The following VPS13D variants were observed in gnomAD, a reference collection of about 807,000 sequenced individuals.
VPS13D encodes intermembrane lipid transfer protein VPS13D.
VPS13D carries 187 observed loss-of-function variants against 461.9 expected under a neutral mutation model. That is an observed-to-expected ratio of 0.40 (90% CI 0.36 to 0.46). The LOEUF (loss-of-function observed/expected upper bound fraction) is 0.46. VPS13D is among the 20% of genes least tolerant of loss of function. The pLI is 0.60. For missense variants in VPS13D, 4,711 were observed against 5,364.9 expected, an observed-to-expected ratio of 0.88 and a Z score of 3.81; for synonymous variants, 1,951 against 1,986.3, an observed-to-expected ratio of 0.98 and a Z score of 0.47.
chr1:12,375,032 C>T (rs1644179710), intron 55 of VPS13D, among the ~76,000 whole-genome samples: 1 of 152,200 alleles, frequency 6.6e-6, no homozygotes, highest in African/African-American at 2.4e-5. Context: ...GCCACCATGC[C>T]CGGCCAGTAT....
rs143683592 is a variant in VPS13D, at chr1:12,338,547, A to G, written c.8626+242A>G. Among the ~76,000 whole-genome samples the G allele has an allele frequency of 6.2e-3, 941 of 152,292 alleles. 12 individuals carry two copies. Among genetic ancestry groups the G allele is most frequent in the African/African-American group, 0.02 (848 of 41,558 alleles). On this transcript the variant is annotated intron_variant, in intron 40 of 69. Coordinates refer to ENST00000620676, the MANE Select transcript of VPS13D (RefSeq NM_015378.4). The stretch of plus-strand genomic sequence containing the variant: ...GGAAATGGAATAAACTCCACAGTGT[A>G]TGATGCAGAAATATGTTAATACAAT...
chr1:12,400,962 GCACA>G (rs55998605), intron 61 of VPS13D, among the ~76,000 whole-genome samples: 2,963 of 106,248 alleles, frequency 0.028, 31 homozygotes, highest in Middle Eastern at 0.05. Context: ...CTGCGCGCGC[GCACA>G]CACACACACA....
intron 67 of VPS13D, among the ~76,000 whole-genome samples, chr1:12,463,890 T>C (rs886116571): frequency 1.3e-5 from 2 of 152,250 alleles, no homozygotes; most frequent in African/African-American, 4.8e-5. Flanking sequence ...AAAGTGGGGA[T>C]AAATTTATCT....
intron 52 of VPS13D, among the ~76,000 whole-genome samples, chr1:12,364,648 T>C (rs972637738): frequency 7.2e-5 from 11 of 152,244 alleles, no homozygotes; most frequent in Non-Finnish European, 1.5e-4. Flanking sequence ...ACACTTGTTT[T>C]CTTTGTTTTT....
intron 35 of VPS13D, among the ~76,000 whole-genome samples, chr1:12,327,205 A>G (rs1376452177): frequency 2.0e-5 from 3 of 152,122 alleles, no homozygotes; most frequent in Admixed American, 6.5e-5. Flanking sequence ...AAGCCAGGCC[A>G]TCTTGCTCTG....
At chr1:12,367,555 T>TTTAA (rs1644054061) in intron 52 of VPS13D, 1 of 148,856 alleles carries the variant, frequency 6.7e-6, no homozygotes, top group Non-Finnish European at 1.5e-5. Flanking sequence ...TGCGATGAAA[T>TTTAA]TTATTTATTT....
At chr1:12,322,000 C>T in intron 33 of VPS13D, 36 bp downstream of exon 33, 2 of 1,608,202 alleles carry the variant, frequency 1.2e-6, no homozygotes, top group Non-Finnish European at 1.7e-6. Context: ...CGTTGATATG[C>T]TCTCAAACAC....
intron 67 of VPS13D, among the ~76,000 whole-genome samples, chr1:12,465,964 G>C (rs1360605566): frequency 6.6e-6 from 1 of 152,040 alleles, no homozygotes; most frequent in African/African-American, 2.4e-5. Context: ...TCGAAACCCT[G>C]TCTCTACTAA....
intron 1 of VPS13D, among the ~76,000 whole-genome samples, chr1:12,231,113 C>T (rs1161046942): frequency 6.6e-6 from 1 of 152,222 alleles, no homozygotes; most frequent in Non-Finnish European, 1.5e-5. Context: ...GGGCCTGGCT[C>T]AAGGTCATGC....
At chr1:12,485,988 T>C (rs1225986363) in intron 67 of VPS13D, among the ~76,000 whole-genome samples, 2 of 152,064 alleles carry the variant, frequency 1.3e-5, no homozygotes, top group African/African-American at 4.8e-5. Flanking sequence ...TTGAACCCAG[T>C]CCCCACTCAG....
intron 67 of VPS13D, chr1:12,479,013 G>A (rs1645675017): frequency 2.2e-5 from 9 of 405,134 alleles, no homozygotes; most frequent in South Asian, 1.4e-4. Context: ...CAGAGCAGGT[G>A]GAAGGCCGCC....
At chr1:12,504,936 G>A (rs940690580) in intron 68 of VPS13D, among the ~76,000 whole-genome samples, 5 of 151,792 alleles carry the variant, frequency 3.3e-5, no homozygotes, top group East Asian at 1.9e-4. Flanking sequence ...GGGTGGTGGC[G>A]CTGGGGGCTG....
rs192029642 is a variant in VPS13D at position 12,247,451 on chromosome 1, G to A, written c.448-1772G>A. ...AAAAGCCTGCAGAAATGGTGAGATA[G>A]CATTCTCTCTAACACCATTCAGGAC... On this transcript the variant is annotated intron_variant, in intron 5 of 69. Coordinates refer to ENST00000620676, the MANE Select transcript of VPS13D (RefSeq NM_015378.4). Among the ~76,000 whole-genome samples, 3 of 147,590 alleles carry A rather than the reference G, an allele frequency of 2.0e-5. No homozygotes were observed. The East Asian group carries it at 5.9e-4, about 29-fold the overall frequency.
Position 12,253,788 on chromosome 1 carries a change from T to C in VPS13D, c.631T>C (p.Cys211Arg), listed in dbSNP as rs772162985. 2 of 1,614,166 alleles carry C rather than the reference T, an allele frequency of 1.2e-6. No individual in the cohort carries two copies. The highest frequency in any genetic ancestry group is 2.2e-5 in the South Asian group (2 of 91,080). Residue 211 changes from cysteine (C) to arginine (R), a missense_variant, in exon 7 of 70, where the codon TGC becomes CGC. This residue lies in a region of VPS13D where 4,411 missense variants were observed against 4,937.8 expected (regional missense o/e 0.89). Transcript: ENST00000620676. ...AEFSIYWDVD[C>R]TLLGDLPQME... ...ATTTAGCATCTATTGGGATGTCGATTGCACTTTACTGGGGGATTTGCCTCA... is the reference window on the plus strand; with the variant it reads ...ATTTAGCATCTATTGGGATGTCGATCGCACTTTACTGGGGGATTTGCCTCA...
At chr1:12,410,594 A>G (rs1644713849) in intron 63 of VPS13D, among the ~76,000 whole-genome samples, 1 of 152,234 alleles carries the variant, frequency 6.6e-6, no homozygotes, top group Non-Finnish European at 1.5e-5. Flanking sequence ...GTATTTTTAG[A>G]CAGAGAATTT....
intron 63 of VPS13D, among the ~76,000 whole-genome samples, chr1:12,408,334 A>G (rs973775419): frequency 3.3e-5 from 5 of 152,072 alleles, no homozygotes; most frequent in African/African-American, 1.2e-4. Context: ...AGAGAGAGAG[A>G]GGGAGAGTTA....
chr1:12,324,244 A>T lies in VPS13D; in HGVS notation c.7990+464A>T, dbSNP rs139406935. 6.2e-3 allele frequency among the ~76,000 whole-genome samples: 937 copies of T among 152,270 alleles called. 12 individuals carry two copies. The highest frequency in any genetic ancestry group is 0.02 in the African/African-American group (845 of 41,558). ...GTTCTGAGGCCAGGTGCGGTGGCTC[A>T]TGCCTATAATCCCAACACTCTGGGA... is the stretch of plus-strand genomic sequence containing the variant. On this transcript the variant is annotated intron_variant, in intron 35 of 69. Transcript: ENST00000620676.
chr1:12,305,951 G>A (rs1413468540), intron 26 of VPS13D, among the ~76,000 whole-genome samples: 6 of 151,892 alleles, frequency 4.0e-5, no homozygotes, highest in African/African-American at 1.5e-4. Flanking sequence ...TTACACTCCT[G>A]CAGGGTTTTT....
Position 12,460,390 on chromosome 1 carries a change from G to A in VPS13D, c.12656G>A (p.Gly4219Asp). ...QAVRDTATLS[G>D]PRTQAQRVRK... ...GTGAGAGACACAGCCACACTCAGCG[G>A]CCCCAGGTCAGTGGTGTGGGAAGAA... is the stretch of plus-strand genomic sequence containing the variant. Residue 4219 changes from glycine to aspartate, a missense_variant, in exon 67 of 70, where the codon GGC becomes GAC. Around this residue, in one of 3 missense-constraint regions of VPS13D, gnomAD observed 194 missense variants for 220.9 expected, o/e 0.88. Transcript: ENST00000620676. 1 of 1,592,562 alleles carries A rather than the reference G, an allele frequency of 6.3e-7. No individual in the cohort carries two copies. The highest frequency in any genetic ancestry group is 1.7e-5 in the Admixed American group (1 of 57,532).
Sources: allele counts gnomAD v4.1 joint callset (sites outside exome capture counted in the v4.1 genomes callset), GRCh38; gene constraint gnomAD v4.1.1; regional missense constraint gnomAD v4.1.1; transcripts MANE v1.5; gene names NCBI Gene and HGNC (gene_info 2026-07-23, HGNC 2026-07-21).